Variants in PGR observed in about 807,000 individuals in gnomAD.
PGR encodes the protein progesterone receptor, also known as nuclear receptor subfamily 3 group C member 3.
Under a neutral mutation model 76.1 loss-of-function variants are expected in PGR, and 25 were observed. The observed-to-expected ratio is 0.33, with a 90% CI of 0.24 to 0.46. PGR has a LOEUF of 0.46. Among genes scored for constraint, PGR ranks in the 20% least tolerant of loss-of-function variants. The pLI, the probability that PGR is intolerant of heterozygous loss-of-function variation, is 1.00. For missense variants in PGR, 1,172 were observed against 1,225.3 expected, an observed-to-expected ratio of 0.96 and a Z score of 0.65; for synonymous variants, 579 against 535.0, an observed-to-expected ratio of 1.08 and a Z score of -1.14.
At chr11:101,091,963 A>C (rs1861688738) in intron 2 of PGR, 87 bp from the exon 3 acceptor site, 2 of 744,616 alleles carry the variant, frequency 2.7e-6, no homozygotes, top group Non-Finnish European at 4.8e-6. Context: ...TAGAGACTAG[A>C]TACACATCAG....
intron 2 of PGR, among the ~76,000 whole-genome samples, chr11:101,101,701 T>C (rs1591415268): frequency 6.6e-6 from 1 of 152,232 alleles, no homozygotes; most frequent in East Asian, 1.9e-4. Flanking sequence ...CCAGCTGTCT[T>C]CTATTAAGAT....
At chr11:101,085,768 A>T (rs1464121265) in intron 3 of PGR, among the ~76,000 whole-genome samples, 1 of 152,174 alleles carries the variant, frequency 6.6e-6, no homozygotes, top group African/African-American at 2.4e-5. Context: ...AGGTGACATC[A>T]CAACTGATCC....
At chr11:101,062,038 T>C (rs1250858528) in intron 4 of PGR, among the ~76,000 whole-genome samples, 3 of 152,218 alleles carry the variant, frequency 2.0e-5, no homozygotes, top group Admixed American at 2.0e-4. Context: ...ACTACTTTGA[T>C]TTGTTATATG....
intron 4 of PGR, among the ~76,000 whole-genome samples, chr11:101,060,426 C>A (rs1860450638): frequency 6.6e-6 from 1 of 152,100 alleles, no homozygotes; most frequent in Admixed American, 6.5e-5. Context: ...CTTTCTAAAC[C>A]ACTGTATAAT....
rs1340917879 is a variant in PGR at position 101,128,061 on chromosome 11, C to T, written c.1010G>A (p.Ser337Asn). 6.2e-7 allele frequency: 1 copy of T among 1,602,212 alleles called. No individual in the cohort carries two copies. Among genetic ancestry groups the T allele is most frequent in the Non-Finnish European group, 8.5e-7 (1 of 1,179,506 alleles). ...TGAACTCCGCGGCGGGGCAAAGGCG[C>T]TGGCAGCCCCGGCCCCGCCGTCGTA... ...ESYDGGAGAA[S>N]AFAPPRSSPC... Residue 337 changes from serine to asparagine, a missense_variant, in exon 1 of 8, where the codon AGC becomes AAC. This residue lies in a region of PGR where 893 missense variants were observed against 785.9 expected (regional missense o/e 1.14). Coordinates refer to ENST00000325455, the MANE Select transcript of PGR (RefSeq NM_000926.4).
chr11:101,072,157 A>T (rs1057085831), intron 3 of PGR, among the ~76,000 whole-genome samples: 1 of 152,212 alleles, frequency 6.6e-6, no homozygotes, highest in Non-Finnish European at 1.5e-5. Flanking sequence ...GCCAGAAGAG[A>T]GTGGAGGCCA....
chr11:101,127,363 T>C (rs1191026499), intron 1 of PGR, 71 bp downstream of exon 1: 15 of 1,212,382 alleles, frequency 1.2e-5, no homozygotes, highest in African/African-American at 1.6e-5. Flanking sequence ...GGGCTGAGGG[T>C]TGGCGGCCGC....
chr11:101,119,190 C>T (rs1199815287), intron 2 of PGR, among the ~76,000 whole-genome samples: 1 of 152,172 alleles, frequency 6.6e-6, no homozygotes, highest in Non-Finnish European at 1.5e-5. Flanking sequence ...TCACCTCCTG[C>T]TTTGTGGCCC....
At chr11:101,056,375 C>T (rs1340787445) in intron 4 of PGR, among the ~76,000 whole-genome samples, 1 of 152,082 alleles carries the variant, frequency 6.6e-6, no homozygotes, top group Non-Finnish European at 1.5e-5. Context: ...TGTGGTGGCT[C>T]ATGCCCGTAG....
intron 3 of PGR, among the ~76,000 whole-genome samples, chr11:101,081,007 G>C (rs1240770904): frequency 2.6e-5 from 4 of 152,138 alleles, no homozygotes; most frequent in African/African-American, 9.7e-5. Flanking sequence ...TGAATTATTG[G>C]CATTCCTCAG....
rs374858070 is a variant in PGR, at chr11:101,039,094, C to A, written c.*22G>T. 2.6e-5 allele frequency: 42 copies of A among 1,599,716 alleles called. No homozygotes were observed. The highest frequency in any genetic ancestry group is 3.3e-4 in the Middle Eastern group (2 of 6,046). The stretch of plus-strand genomic sequence containing the variant: ...AAAAGACATACCACAAAATTTAATT[C>A]TTTAAAAGAAAAAGATGACATTCAC... On this transcript the variant is annotated 3_prime_UTR_variant, in exon 8 of 8. Coordinates refer to ENST00000325455, the MANE Select transcript of PGR (RefSeq NM_000926.4).
rs1859540203 is a variant in PGR at position 101,037,116 on chromosome 11, G to A, written c.*2000C>T. ...ACTTTTTTCTTGGGATGACATTTGT[G>A]GGGAAAATATATTGAAAGCCTTTTC... On this transcript the variant is annotated 3_prime_UTR_variant, in exon 8 of 8. Transcript: ENST00000325455. 1 of 197,826 alleles carries A rather than the reference G, an allele frequency of 5.1e-6. No homozygotes were observed. The highest frequency in any genetic ancestry group is 1.0e-5 in the Non-Finnish European group (1 of 95,724). 12.3% of individuals were successfully genotyped at this position (197,826 alleles called of 1,614,324 possible).
chr11:101,074,331 A>C, intron 3 of PGR, among the ~76,000 whole-genome samples: 1 of 152,312 alleles, frequency 6.6e-6, no homozygotes, highest in African/African-American at 2.4e-5. Flanking sequence ...GTATCTCAAA[A>C]TAATAAGAGC....
chr11:101,113,427 AT>A (rs386374672), intron 2 of PGR, among the ~76,000 whole-genome samples: 18 of 147,248 alleles, frequency 1.2e-4, no homozygotes, highest in Admixed American at 2.0e-4. Flanking sequence ...ATGCCTGGCT[AT>A]TTTTTTTTTT....
In PGR at chr11:101,029,640, CTTTA is replaced by C. The variant is rs1411530694; in HGVS notation, c.*9472_*9475del. The C allele has an allele frequency of 5.3e-6, 1 of 190,248 alleles. No individual in the cohort carries two copies. Among genetic ancestry groups the C allele is most frequent in the Non-Finnish European group, 1.1e-5 (1 of 90,786 alleles). The allele number at this position is 190,248 out of a possible 1,614,324, so 11.8% of individuals were successfully genotyped here. A position where few individuals can be genotyped will look rare whatever the true frequency, so the allele number is the denominator to read the frequency against. ...AGAGAGATATAGAAATTAGTTTATT[CTTTA>C]TTATCACACAGAATAACAAGAATTA... On this transcript the variant is annotated 3_prime_UTR_variant, in exon 8 of 8. Coordinates refer to ENST00000325455, the MANE Select transcript of PGR (RefSeq NM_000926.4).
chr11:101,068,110 T>C (rs149803846), intron 3 of PGR, among the ~76,000 whole-genome samples: 2 of 152,314 alleles, frequency 1.3e-5, no homozygotes, highest in Non-Finnish European at 1.5e-5. Context: ...ATATTGTTTC[T>C]ATATGTCATT....
chr11:101,124,256 C>T (rs1862769387), intron 2 of PGR, among the ~76,000 whole-genome samples: 1 of 152,160 alleles, frequency 6.6e-6, no homozygotes, highest in African/African-American at 2.4e-5. Flanking sequence ...AAGACTTCGT[C>T]TACAGTTTTG....
intron 1 of PGR, 82 bp from the exon 2 acceptor site, chr11:101,126,240 C>T (rs958072117): frequency 7.5e-7 from 1 of 1,328,562 alleles, no homozygotes; most frequent in Non-Finnish European, 1.1e-6. Context: ...CCAGTATTAA[C>T]AGGGTGAAAG....
intron 3 of PGR, among the ~76,000 whole-genome samples, chr11:101,065,814 A>T (rs1476063049): frequency 6.6e-6 from 1 of 151,908 alleles, no homozygotes; most frequent in African/African-American, 2.4e-5. Context: ...GCGGATGGAC[A>T]TGGTGGCTGA....
Sources: gnomAD v4.1 joint callset for allele counts (sites outside exome capture counted in the v4.1 genomes callset) on GRCh38, gnomAD v4.1.1 for gene constraint, gnomAD v4.1.1 regional missense constraint, MANE v1.5 for transcripts, NCBI Gene and HGNC (gene_info 2026-07-23, HGNC 2026-07-21) for gene names.